CBLB: variants seen among roughly 807,000 people sequenced by gnomAD.
CBLB encodes the protein E3 ubiquitin-protein ligase CBL-B.
Under a neutral mutation model 104.9 loss-of-function variants are expected in CBLB, and 31 were observed. That is an observed-to-expected ratio of 0.30 (90% CI 0.22 to 0.40). The LOEUF (loss-of-function observed/expected upper bound fraction) is 0.40. CBLB is among the 10% of genes least tolerant of loss of function. The pLI is 1.00. For missense variants in CBLB, 1,062 were observed against 1,214.6 expected (o/e 0.87, Z 1.87); for synonymous variants, 440 against 422.6 (o/e 1.04, Z -0.51).
intron 10 of CBLB, among the ~76,000 whole-genome samples, chr3:105,707,866 AAAAC>A (rs1370167609): frequency 4.0e-5 from 6 of 150,922 alleles, no homozygotes; most frequent in Non-Finnish European, 8.8e-5. Context: ...AAAATAAAAA[AAAAC>A]AAAGTACATC....
chr3:105,821,260 A>ATATCTATATCTATC lies in CBLB; in HGVS notation c.419+32153_419+32154insGATAGATATAGATA, dbSNP rs1553834225. On this transcript the variant is annotated intron_variant, in intron 3 of 18. Coordinates refer to ENST00000394030, the MANE Select transcript of CBLB (RefSeq NM_170662.5). Reference sequence around the variant, plus strand: ...CTTTAAAGATCAGATATCTATATCTATATCTATCTATCTATCTATCTATCT... The same window carrying ATATCTATATCTATC: ...CTTTAAAGATCAGATATCTATATCTATATCTATATCTATCTATCTATCTATCTATCTATCTATCT... Among the ~76,000 whole-genome samples the ATATCTATATCTATC allele has an allele frequency of 6.1e-4, 91 of 149,516 alleles. No homozygotes were observed. The East Asian group carries it at 0.011, about 18-fold the overall frequency.
chr3:105,704,991 T>A lies in CBLB; in HGVS notation c.1408-818A>T, dbSNP rs1038555359. On this transcript the variant is annotated intron_variant, in intron 10 of 18. Transcript: ENST00000394030. ...TTTGTTATAAAAGCCATACAGTTAATCAAGTAGCCTTAACAGGATAAACAA... is the reference window on the plus strand; with the variant it reads ...TTTGTTATAAAAGCCATACAGTTAAACAAGTAGCCTTAACAGGATAAACAA... Among the ~76,000 whole-genome samples, 6 of 152,228 alleles carry A rather than the reference T, an allele frequency of 3.9e-5. No homozygotes were observed. The Middle Eastern group carries it at 0.014, about 345-fold the overall frequency.
intron 9 of CBLB, among the ~76,000 whole-genome samples, chr3:105,722,214 A>G (rs867655521): frequency 3.3e-5 from 5 of 150,602 alleles, no homozygotes; most frequent in East Asian, 1.9e-4. Context: ...AAAAAAAAAA[A>G]AAAAGAAAAG....
intron 17 of CBLB, among the ~76,000 whole-genome samples, chr3:105,678,033 A>G (rs2065863416): frequency 6.6e-6 from 1 of 152,144 alleles, no homozygotes; most frequent in South Asian, 2.1e-4. Flanking sequence ...ACACTAAGGC[A>G]TATCTAGTAA....
chr3:105,764,152 G>C (rs1057203173), intron 4 of CBLB, among the ~76,000 whole-genome samples: 2 of 152,160 alleles, frequency 1.3e-5, no homozygotes, highest in African/African-American at 4.8e-5. Flanking sequence ...ACATCCAGCA[G>C]AGAAGAGAAC....
chr3:105,726,139 G>A (rs62261460), intron 9 of CBLB, among the ~76,000 whole-genome samples: 10,426 of 152,128 alleles, frequency 0.069, 518 homozygotes, highest in Admixed American at 0.15. Context: ...GTGAGCAACC[G>A]CGCCTGGCCA....
intron 3 of CBLB, among the ~76,000 whole-genome samples, chr3:105,781,064 T>C (rs755831050): frequency 4.6e-5 from 7 of 151,990 alleles, no homozygotes; most frequent in Non-Finnish European, 7.4e-5. Flanking sequence ...TAGAGGAGGC[T>C]TGAAGAAGAA....
intron 3 of CBLB, among the ~76,000 whole-genome samples, chr3:105,812,242 T>C (rs1162646705): frequency 1.3e-5 from 2 of 152,198 alleles, no homozygotes; most frequent in Non-Finnish European, 2.9e-5. Context: ...GCAAAGATAC[T>C]TTCTTAAACC....
chr3:105,714,733 G>A (rs1240945812), intron 10 of CBLB, among the ~76,000 whole-genome samples: 1 of 152,152 alleles, frequency 6.6e-6, no homozygotes, highest in Non-Finnish European at 1.5e-5. Context: ...CTGGTCCATG[G>A]CCTGGGGTTT....
At chr3:105,814,292 G>T (rs1339319104) in intron 3 of CBLB, among the ~76,000 whole-genome samples, 3 of 152,122 alleles carry the variant, frequency 2.0e-5, no homozygotes, top group Non-Finnish European at 2.9e-5. Context: ...ACCCAGATAA[G>T]AGGATTTATC....
At position 105,656,384 on chromosome 3, in the gene CBLB, C is replaced by T. The variant is rs1432491423; in HGVS notation, c.*2586G>A. ...TGGATCACTTCCAGACATCAACGAG[C>T]AGTCGCTTTTACAATAAAAAAAAAT... is the stretch of plus-strand genomic sequence containing the variant. On this transcript the variant is annotated 3_prime_UTR_variant, in exon 19 of 19. Coordinates refer to ENST00000394030, the MANE Select transcript of CBLB (RefSeq NM_170662.5). The T allele has an allele frequency of 4.9e-6, 1 of 202,514 alleles. No individual in the cohort carries two copies. Among genetic ancestry groups the T allele is most frequent in the African/African-American group, 2.3e-5 (1 of 43,584 alleles). 12.5% of individuals were successfully genotyped at this position (202,514 alleles called of 1,614,324 possible).
At chr3:105,856,224 C>T (rs530131887) in intron 2 of CBLB, among the ~76,000 whole-genome samples, 1 of 151,788 alleles carries the variant, frequency 6.6e-6, no homozygotes, top group South Asian at 2.1e-4. Context: ...GTGGCAGGTG[C>T]CTGTAATCCC....
chr3:105,856,492 C>A (rs1282294145), intron 2 of CBLB, among the ~76,000 whole-genome samples: 3 of 151,680 alleles, frequency 2.0e-5, no homozygotes, highest in Admixed American at 6.6e-5. Context: ...TTCACATTAA[C>A]CCAGGGCATG....
At chr3:105,779,907 G>A (rs1257016508) in intron 3 of CBLB, among the ~76,000 whole-genome samples, 1 of 151,810 alleles carries the variant, frequency 6.6e-6, no homozygotes, top group Admixed American at 6.6e-5. Context: ...AGAATGGAGT[G>A]CAATGGTGTG....
chr3:105,717,745 C>A (rs1325193455), intron 10 of CBLB, among the ~76,000 whole-genome samples: 1 of 152,128 alleles, frequency 6.6e-6, no homozygotes, highest in Non-Finnish European at 1.5e-5. Flanking sequence ...ATATCACCAG[C>A]TCCGCATATG....
chr3:105,783,475 T>G (rs1409466795), intron 3 of CBLB, among the ~76,000 whole-genome samples: 1 of 152,178 alleles, frequency 6.6e-6, no homozygotes, highest in Admixed American at 6.5e-5. Flanking sequence ...ATGATGGCCT[T>G]GTACAATTCA....
chr3:105,729,881 C>T (rs1381198224), intron 9 of CBLB, among the ~76,000 whole-genome samples: 1 of 151,962 alleles, frequency 6.6e-6, no homozygotes, highest in Non-Finnish European at 1.5e-5. Context: ...ACAAACATTC[C>T]TGTTCATGCA....
intron 7 of CBLB, among the ~76,000 whole-genome samples, chr3:105,740,286 A>G (rs2075395209): frequency 6.6e-6 from 1 of 152,220 alleles, no homozygotes; most frequent in Non-Finnish European, 1.5e-5. Flanking sequence ...TTTGAAGTTG[A>G]AATGTATTTG....
At chr3:105,772,544 C>T (rs1345864770) in intron 4 of CBLB, among the ~76,000 whole-genome samples, 1 of 152,110 alleles carries the variant, frequency 6.6e-6, no homozygotes, top group African/African-American at 2.4e-5. Context: ...AAAGCTTCTG[C>T]ACAGCAAAAG....
Sources: gnomAD v4.1 joint callset for allele counts (sites outside exome capture counted in the v4.1 genomes callset) on GRCh38, gnomAD v4.1.1 for gene constraint, MANE v1.5 for transcripts, NCBI Gene and HGNC (gene_info 2026-07-23, HGNC 2026-07-21) for gene names.